CENPO: variants seen among roughly 807,000 people sequenced by gnomAD.
CENPO encodes the protein centromeric protein O.
In CENPO, 30 loss-of-function variants were observed where a neutral mutation model predicts 36.1. That is an observed-to-expected ratio of 0.83 (90% CI 0.62 to 1.13). The LOEUF (loss-of-function observed/expected upper bound fraction) is 1.13, where lower values mean the gene tolerates loss of function less well. Among genes scored for constraint, CENPO ranks in the 50% most tolerant of loss-of-function variants. The pLI, the probability that CENPO is intolerant of heterozygous loss-of-function variation, is 0.00. For synonymous variants in CENPO, 171 were observed against 142.3 expected, an observed-to-expected ratio of 1.20 and a Z score of -1.44; for missense variants, 349 against 357.8, an observed-to-expected ratio of 0.98 and a Z score of 0.20.
chr2:24,808,150 G>T (rs911438168), intron 3 of CENPO, among the ~76,000 whole-genome samples: 1 of 152,060 alleles, frequency 6.6e-6, no homozygotes, highest in Non-Finnish European at 1.5e-5. Context: ...TATTGCCCTT[G>T]TTTCTTGTTT....
chr2:24,807,595 G>A (rs1245366213), intron 3 of CENPO, among the ~76,000 whole-genome samples: 1 of 152,158 alleles, frequency 6.6e-6, no homozygotes, highest in Non-Finnish European at 1.5e-5. Flanking sequence ...TGCTGCTGCT[G>A]TTAACATTTT....
intron 3 of CENPO, among the ~76,000 whole-genome samples, chr2:24,812,567 CTT>C (rs1196216610): frequency 6.6e-6 from 1 of 152,034 alleles, no homozygotes; most frequent in Non-Finnish European, 1.5e-5. Context: ...TGACCTATGT[CTT>C]AGTAATTTTC....
At chr2:24,796,650 A>G (rs1210350554) in intron 2 of CENPO, among the ~76,000 whole-genome samples, 1 of 152,162 alleles carries the variant, frequency 6.6e-6, no homozygotes, top group African/African-American at 2.4e-5. Context: ...CCATCTCTTT[A>G]TTTAAAAAAC....
chr2:24,816,589 C>A, intron 5 of CENPO, 57 bp from the exon 6 acceptor site: 1 of 1,308,228 alleles, frequency 7.6e-7, no homozygotes, highest in Non-Finnish European at 1.0e-6. Context: ...GGTCAGTAAA[C>A]ACCACCTTTG....
At chr2:24,811,522 T>C (rs558708876) in intron 3 of CENPO, among the ~76,000 whole-genome samples, 52 of 150,868 alleles carry the variant, frequency 3.4e-4, no homozygotes, top group Non-Finnish European at 5.6e-4. Context: ...AGTGCAGTGG[T>C]GCGGTCTCGG....
intron 2 of CENPO, among the ~76,000 whole-genome samples, chr2:24,796,148 G>A (rs550377256): frequency 1.3e-4 from 20 of 152,144 alleles, no homozygotes; most frequent in Middle Eastern, 3.4e-3. Flanking sequence ...AAGGTCAGGA[G>A]TTCAAGACCA....
In CENPO at chr2:24,817,891, G is replaced by A. The variant is rs1019235151; in HGVS notation, c.*35+50G>A. ...TACCAGGTGGGTAGTACTGTCTGAT[G>A]AAGGGTACATCACCCTTCTGATGAA... On this transcript the variant is annotated intron_variant, in intron 7 of 7. Coordinates refer to ENST00000380834, the MANE Select transcript of CENPO (RefSeq NM_001322101.2). 7 of 1,487,398 alleles carry A rather than the reference G, an allele frequency of 4.7e-6. No homozygotes were observed. The African/African-American group carries it at 5.6e-5, about 12-fold the overall frequency. The allele number at this position is 1,487,398 out of a possible 1,614,324, so 92.1% of individuals were successfully genotyped here. A position where few individuals can be genotyped will look rare whatever the true frequency, so the allele number is the denominator to read the frequency against.
At chr2:24,804,736 C>T (rs1666306983) in intron 3 of CENPO, among the ~76,000 whole-genome samples, 1 of 152,150 alleles carries the variant, frequency 6.6e-6, no homozygotes, top group Non-Finnish European at 1.5e-5. Context: ...GTAGCCCGAC[C>T]TTTCTCTCTG....
intron 3 of CENPO, among the ~76,000 whole-genome samples, chr2:24,810,115 T>C (rs1460541664): frequency 6.6e-6 from 1 of 152,218 alleles, no homozygotes; most frequent in Non-Finnish European, 1.5e-5. Context: ...GAAATAGATT[T>C]TTTAAAATCT....
rs552394835 is a variant in CENPO, at chr2:24,817,466, C to CGAAAAAAAA, written c.767-204_767-203insGAAAAAAAA. ...AGTAAGGGGCAGCCTTAGTCCAGAC[C>CGAAAAAAAA]AAAAAAAAAAGCTGTATGGGTCCAG... On this transcript the variant is annotated intron_variant, in intron 6 of 7. Coordinates refer to ENST00000380834, the MANE Select transcript of CENPO (RefSeq NM_001322101.2). Among the ~76,000 whole-genome samples, 5 of 110,068 alleles carry CGAAAAAAAA rather than the reference C, an allele frequency of 4.5e-5. 1 individual carries two copies. In the East Asian group the frequency reaches 1.5e-3, roughly 33 times the overall value. The allele number at this position is 110,068 out of a possible 152,430, so 72.2% of individuals were successfully genotyped here.
rs771258009 is a variant in CENPO at position 24,820,894 on chromosome 2, G to A, written c.*1576G>A. ...TCAGCACAGCCACAGGCCACACCTT[G>A]TTATGGGCCTCAGAAGCCATCTCCT... On this transcript the variant is annotated 3_prime_UTR_variant, in exon 8 of 8. Coordinates refer to ENST00000380834, the MANE Select transcript of CENPO (RefSeq NM_001322101.2). The A allele has an allele frequency of 1.9e-6, 3 of 1,604,578 alleles. No individual in the cohort carries two copies. In the Admixed American group the frequency reaches 5.1e-5, roughly 27 times the overall value.
chr2:24,814,577 T>C, intron 4 of CENPO, 84 bp downstream of exon 4: 1 of 749,054 alleles, frequency 1.3e-6, no homozygotes, highest in East Asian at 2.4e-5. Flanking sequence ...GTCCTGGAAT[T>C]ATTTCATAAT....
intron 3 of CENPO, among the ~76,000 whole-genome samples, chr2:24,811,651 C>T (rs879882435): frequency 2.6e-5 from 4 of 152,076 alleles, no homozygotes; most frequent in African/African-American, 4.8e-5. Flanking sequence ...TTAGTAGAGA[C>T]GGGGTTTTAC....
chr2:24,820,282 G>A lies in CENPO; in HGVS notation c.*964G>A, dbSNP rs921537817. ...AGCCCTTCCACCCGTGGCGAGCAGC[G>A]GGTGGGAAGGAGAACCCTGGAGTGA... On this transcript the variant is annotated 3_prime_UTR_variant, in exon 8 of 8. Coordinates refer to ENST00000380834, the MANE Select transcript of CENPO (RefSeq NM_001322101.2). The A allele has an allele frequency of 1.0e-5, 13 of 1,247,550 alleles. No individual in the cohort carries two copies. The highest frequency in any genetic ancestry group is 3.5e-5 in the Admixed American group (1 of 28,470). The allele number at this position is 1,247,550 out of a possible 1,614,324, so 77.3% of individuals were successfully genotyped here.
At chr2:24,810,047 C>CAAAAA (rs34117565) in intron 3 of CENPO, among the ~76,000 whole-genome samples, 1 of 133,684 alleles carries the variant, frequency 7.5e-6, no homozygotes. Flanking sequence ...AACTATGTCT[C>CAAAAA]AAAAAAAAAA....
intron 1 of CENPO, 86 bp downstream of exon 1, chr2:24,793,587 A>G (rs1572715471): frequency 3.4e-6 from 5 of 1,461,634 alleles, no homozygotes; most frequent in South Asian, 1.4e-5. Flanking sequence ...CCTTCTTAAA[A>G]CTCCTTCCGT....
Position 24,820,663 on chromosome 2 carries a change from C to G in CENPO, c.*1345C>G, listed in dbSNP as rs549388688. ...GGAGGCAGGGGCACGTGGGAAAGCA[C>G]TGTTCCGGTTTTGTTCTCATGCCGA... is the stretch of plus-strand genomic sequence containing the variant. On this transcript the variant is annotated 3_prime_UTR_variant, in exon 8 of 8. Coordinates refer to ENST00000380834, the MANE Select transcript of CENPO (RefSeq NM_001322101.2). 1.2e-4 allele frequency: 189 copies of G among 1,604,780 alleles called. No individual in the cohort carries two copies. Among genetic ancestry groups the G allele is most frequent in the Non-Finnish European group, 1.5e-4 (179 of 1,174,170 alleles).
intron 3 of CENPO, among the ~76,000 whole-genome samples, chr2:24,806,322 C>T (rs1218371772): frequency 6.6e-5 from 10 of 152,198 alleles, no homozygotes; most frequent in Non-Finnish European, 1.5e-4. Context: ...TGTGCTGCAA[C>T]CACTGTCCTG....
chr2:24,810,512 T>G (rs926306981), intron 3 of CENPO, among the ~76,000 whole-genome samples: 1 of 150,248 alleles, frequency 6.7e-6, no homozygotes, highest in Non-Finnish European at 1.5e-5. Flanking sequence ...AGGTTTTTTT[T>G]TTTTTTTTTT....
Sources: allele counts gnomAD v4.1 joint callset (sites outside exome capture counted in the v4.1 genomes callset), GRCh38; gene constraint gnomAD v4.1.1; transcripts MANE v1.5; gene names NCBI Gene and HGNC (gene_info 2026-07-23, HGNC 2026-07-21).